The following CELF2 variants were observed in gnomAD, a reference collection of about 807,000 sequenced individuals.
CELF2 encodes the protein CUG triplet repeat RNA-binding protein 2.
A neutral mutation model predicts 62.6 loss-of-function variants in CELF2; 8 were observed. The observed-to-expected ratio is 0.13, with a 90% CI of 0.07 to 0.23. The LOEUF is 0.23. Among genes scored for constraint, CELF2 ranks in the 10% least tolerant of loss-of-function variants. The pLI is 1.00. For missense variants in CELF2, 333 were observed against 671.0 expected (o/e 0.50, Z 5.56); for synonymous variants, 258 against 250.0 (o/e 1.03, Z -0.30).
Position 10,934,025 on chromosome 10 carries a change from T to C in CELF2, c.89+14026T>C, listed in dbSNP as rs1281708703. On this transcript the variant is annotated intron_variant, in intron 2 of 13. Coordinates refer to the CELF2 transcript ENST00000636488. This position sits in a 1 kb window ranked among gnomAD's most constrained non-coding sequence, Gnocchi z 4.4. ...ATTTTTAAGAAACCTCCATACTGAT[T>C]TCCGTAATGGCTATGCTAATGTACA... 1.3e-5 allele frequency among the ~76,000 whole-genome samples: 2 copies of C among 152,210 alleles called. No homozygotes were observed. The highest frequency in any genetic ancestry group is 2.9e-5 in the Non-Finnish European group (2 of 68,036).
At chr10:10,531,109 C>G in the CELF2 span, among the ~76,000 whole-genome samples, 1 of 152,172 alleles carries the variant, frequency 6.6e-6, no homozygotes, top group Non-Finnish European at 1.5e-5. Context: ...TAGATCTTTC[C>G]AAAATATACT....
chr10:10,861,636 C>G (rs1261728840), intron 1 of CELF2, among the ~76,000 whole-genome samples: 1 of 152,138 alleles, frequency 6.6e-6, no homozygotes, highest in South Asian at 2.1e-4. Flanking sequence ...TATGCCTTCC[C>G]AACCCCACTC....
At chr10:11,160,044 C>A (rs372194259) in intron 1 of CELF2, among the ~76,000 whole-genome samples, 6 of 152,222 alleles carry the variant, frequency 3.9e-5, no homozygotes, top group African/African-American at 1.4e-4. Context: ...GCTCTCCAGC[C>A]TGCAGCCTGT....
chr10:11,249,873 T>G (rs943341469), intron 4 of CELF2, among the ~76,000 whole-genome samples: 1 of 152,232 alleles, frequency 6.6e-6, no homozygotes, highest in Non-Finnish European at 1.5e-5. Flanking sequence ...CTTCTGTCCC[T>G]TTTTTGTACT....
At chr10:11,055,017 T>G (rs1351872268) in intron 1 of CELF2, among the ~76,000 whole-genome samples, 1 of 152,246 alleles carries the variant, frequency 6.6e-6, no homozygotes, top group Non-Finnish European at 1.5e-5. Flanking sequence ...ACCCGGCTTC[T>G]AGTGTATTCT....
chr10:10,840,043 C>A (rs1402736017), intron 1 of CELF2, among the ~76,000 whole-genome samples: 1 of 152,158 alleles, frequency 6.6e-6, no homozygotes, highest in African/African-American at 2.4e-5. Context: ...ATAGTTCATT[C>A]CTTTCTATCA....
intron 2 of CELF2, among the ~76,000 whole-genome samples, chr10:11,194,559 A>C (rs1461895072): frequency 6.6e-6 from 1 of 152,184 alleles, no homozygotes; most frequent in Non-Finnish European, 1.5e-5. Context: ...TGACCACTGA[A>C]GGGTAGGAGG....
the CELF2 span, among the ~76,000 whole-genome samples, chr10:10,623,528 A>G: frequency 6.6e-6 from 1 of 152,176 alleles, no homozygotes; most frequent in African/African-American, 2.4e-5. Context: ...CCCTGGTTAC[A>G]GCAGTCCCCA....
At chr10:10,489,338 G>C in the CELF2 span, among the ~76,000 whole-genome samples, 2 of 152,044 alleles carry the variant, frequency 1.3e-5, no homozygotes, top group Non-Finnish European at 1.5e-5. Flanking sequence ...AATTGTAACT[G>C]GAACAGTGCT....
At chr10:11,161,732 G>T (rs892492366) in intron 1 of CELF2, among the ~76,000 whole-genome samples, 6 of 152,212 alleles carry the variant, frequency 3.9e-5, no homozygotes, top group African/African-American at 1.4e-4. Flanking sequence ...AGGGAGTGAA[G>T]AGAAGCAAGC....
intron 1 of CELF2, among the ~76,000 whole-genome samples, chr10:11,052,638 T>C (rs1268540786): frequency 6.6e-6 from 1 of 152,262 alleles, no homozygotes; most frequent in Non-Finnish European, 1.5e-5. Flanking sequence ...TTGTGTTTAG[T>C]TGGCACTTCT....
Position 10,997,661 on chromosome 10 carries a change from A to G in CELF2, c.89+77662A>G, listed in dbSNP as rs1366324009. On this transcript the variant is annotated intron_variant, in intron 2 of 13. Transcript: ENST00000636488. The surrounding 1 kb of genome is among the most constrained non-coding windows in gnomAD (Gnocchi z 5.3). ...GCTTGTGCCTTTGCTTCCTCTAAAA[A>G]TAGCAAGAATAAATTCGGTCCCTTT... Among the ~76,000 whole-genome samples the G allele has an allele frequency of 6.6e-6, 1 of 152,180 alleles. No homozygotes were observed. Among genetic ancestry groups the G allele is most frequent in the African/African-American group, 2.4e-5 (1 of 41,442 alleles).
chr10:11,128,973 C>A (rs2059182008), intron 1 of CELF2, among the ~76,000 whole-genome samples: 1 of 152,170 alleles, frequency 6.6e-6, no homozygotes, highest in African/African-American at 2.4e-5. Context: ...AAAGGGAATG[C>A]TTCCAATTTT....
chr10:11,229,460 T>A (rs572270875), intron 3 of CELF2, among the ~76,000 whole-genome samples: 5 of 152,256 alleles, frequency 3.3e-5, no homozygotes, highest in Non-Finnish European at 7.4e-5. Flanking sequence ...TTCAGTCCAT[T>A]TGCATATAAA....
At chr10:10,780,950 G>A in the CELF2 span, among the ~76,000 whole-genome samples, 1 of 152,186 alleles carries the variant, frequency 6.6e-6, no homozygotes, top group Non-Finnish European at 1.5e-5. Context: ...TTCACTTGGG[G>A]CTCAGCAGGT....
In CELF2 at chr10:10,829,042, G is replaced by A. The variant is rs1334240572; in HGVS notation, c.53+30225G>A. On this transcript the variant is annotated intron_variant, in intron 1 of 13. Transcript: ENST00000636488. ...GGGATCAAATGGAAAAGAAAAATATGTAATATAGATTTATAAGTTATATTA... is the reference window on the plus strand; with the variant it reads ...GGGATCAAATGGAAAAGAAAAATATATAATATAGATTTATAAGTTATATTA... Among the ~76,000 whole-genome samples the A allele has an allele frequency of 2.6e-5, 4 of 152,312 alleles. No individual in the cohort carries two copies. In the East Asian group the frequency reaches 7.7e-4, roughly 29 times the overall value.
rs117060690 is a variant in CELF2 at position 10,819,531 on chromosome 10, G to C, written c.53+20714G>C. Among the ~76,000 whole-genome samples, 724 of 152,194 alleles carry C rather than the reference G, an allele frequency of 4.8e-3. 3 individuals are homozygous for C. Among genetic ancestry groups the C allele is most frequent in the Non-Finnish European group, 8.7e-3 (591 of 68,010 alleles). On this transcript the variant is annotated intron_variant, in intron 1 of 13. Coordinates refer to the CELF2 transcript ENST00000636488. ...GAACTCTCAAAGCATTAACGTTGTT[G>C]ACTCACCCCTTTCTCTTTGAGAAGT... is the stretch of plus-strand genomic sequence containing the variant.
In CELF2 at chr10:10,860,770, G is replaced by A. The variant is rs139724844; in HGVS notation, c.54-59194G>A. Among the ~76,000 whole-genome samples the A allele has an allele frequency of 7.9e-3, 1,200 of 152,280 alleles. 6 individuals are homozygous for A. The highest frequency in any genetic ancestry group is 0.02 in the Middle Eastern group (6 of 294). On this transcript the variant is annotated intron_variant, in intron 1 of 13. Transcript: ENST00000636488. ...GTGACGTACAGAGACAGCTTGATTGGTTACAGCTATGAGTTTGCCTTATTT... is the reference window on the plus strand; with the variant it reads ...GTGACGTACAGAGACAGCTTGATTGATTACAGCTATGAGTTTGCCTTATTT...
upstream of CELF2, among the ~76,000 whole-genome samples, chr10:11,002,351 G>A (rs578223700): frequency 1.4e-4 from 22 of 152,304 alleles, 1 homozygote; most frequent in East Asian, 1.7e-3. The surrounding 1 kb of genome is among the most constrained non-coding windows in gnomAD (Gnocchi z 4.4). Flanking sequence ...AGTTCAAGGT[G>A]AGATTTGGGT....
Sources: gnomAD v4.1 joint callset for allele counts (sites outside exome capture counted in the v4.1 genomes callset) on GRCh38, gnomAD v4.1.1 for gene constraint, Gnocchi (gnomAD v3.1) non-coding constraint, MANE v1.5 for transcripts, NCBI Gene and HGNC (gene_info 2026-07-23, HGNC 2026-07-21) for gene names.